CSMD3: variants seen among roughly 807,000 people sequenced by gnomAD.
CSMD3 encodes CUB and Sushi multiple domains 3.
CSMD3 carries 177 observed loss-of-function variants against 435.2 expected under a neutral mutation model. The ratio of observed to expected loss-of-function variants is 0.41; its 90% CI spans 0.36 to 0.46. CSMD3 has a LOEUF of 0.46. Among genes scored for constraint, CSMD3 ranks in the 20% least tolerant of loss-of-function variants. The pLI, the probability that CSMD3 is intolerant of heterozygous loss-of-function variation, is 0.34. For synonymous variants in CSMD3, 1,656 were observed against 1,520.5 expected, an observed-to-expected ratio of 1.09 and a Z score of -2.07; for missense variants, 4,265 against 4,504.6, an observed-to-expected ratio of 0.95 and a Z score of 1.52.
At chr8:112,828,103 T>G (rs549824549) in intron 12 of CSMD3, among the ~76,000 whole-genome samples, 17 of 152,280 alleles carry the variant, frequency 1.1e-4, no homozygotes, top group African/African-American at 3.4e-4. Flanking sequence ...TATAATGAAA[T>G]CTAAGCTATC....
chr8:113,320,319 A>G (rs1444034129), intron 1 of CSMD3, among the ~76,000 whole-genome samples: 1 of 152,104 alleles, frequency 6.6e-6, no homozygotes, highest in East Asian at 1.9e-4. Context: ...AAAGGTAACT[A>G]AATTTTATAT....
At chr8:113,285,141 G>C (rs1217690814) in intron 2 of CSMD3, among the ~76,000 whole-genome samples, 2 of 152,006 alleles carry the variant, frequency 1.3e-5, no homozygotes, top group Non-Finnish European at 1.5e-5. Flanking sequence ...TGAATGAATA[G>C]AACATATTTC....
chr8:112,637,583 T>C (rs1490248813), intron 21 of CSMD3, among the ~76,000 whole-genome samples: 1 of 152,036 alleles, frequency 6.6e-6, no homozygotes, highest in African/African-American at 2.4e-5. Flanking sequence ...CCCCAGGCAA[T>C]AAATGAACAT....
intron 6 of CSMD3, among the ~76,000 whole-genome samples, chr8:113,012,066 C>A (rs1007051223): frequency 1.3e-5 from 2 of 151,456 alleles, no homozygotes; most frequent in Non-Finnish European, 3.0e-5. Context: ...AAATCAAATA[C>A]AAAGAAAAAA....
At chr8:113,401,557 A>G (rs943901408) in intron 1 of CSMD3, among the ~76,000 whole-genome samples, 2 of 151,674 alleles carry the variant, frequency 1.3e-5, no homozygotes, top group Non-Finnish European at 3.0e-5. Flanking sequence ...TGCCAATGCC[A>G]ACTTTTTTAT....
intron 27 of CSMD3, among the ~76,000 whole-genome samples, chr8:112,520,746 A>G (rs976440764): frequency 1.8e-4 from 13 of 73,028 alleles, no homozygotes; most frequent in African/African-American, 7.1e-4. Flanking sequence ...TGCCAAATAT[A>G]TGTCAAATAA....
chr8:112,735,360 A>G (rs2077164263), intron 13 of CSMD3, among the ~76,000 whole-genome samples: 1 of 152,028 alleles, frequency 6.6e-6, no homozygotes. Flanking sequence ...GTAAATAAAC[A>G]ACTTGAGTGT....
chr8:112,234,516 T>C (rs764127560), intron 67 of CSMD3, 39 bp from the exon 68 acceptor site: 2 of 1,021,394 alleles, frequency 2.0e-6, no homozygotes, highest in Admixed American at 1.7e-5. Flanking sequence ...CTTAACTTTG[T>C]AAATAGTTAT....
chr8:113,409,079 C>CTTTT (rs1218107775), intron 1 of CSMD3, among the ~76,000 whole-genome samples: 862 of 99,114 alleles, frequency 8.7e-3, no homozygotes, highest in East Asian at 0.016. Context: ...TCTTCTTCTT[C>CTTTT]TTTTTTTTTT....
At chr8:112,713,347 A>G (rs149688145) in intron 13 of CSMD3, among the ~76,000 whole-genome samples, 3 of 146,774 alleles carry the variant, frequency 2.0e-5, no homozygotes, top group Admixed American at 1.4e-4. Flanking sequence ...AGGCAGGCAG[A>G]CAAGATTAGA....
chr8:112,447,875 CA>C (rs1648756617), intron 32 of CSMD3, among the ~76,000 whole-genome samples: 1 of 152,088 alleles, frequency 6.6e-6, no homozygotes, highest in Non-Finnish European at 1.5e-5. Context: ...AAGATTTAAA[CA>C]ATAATATAAT....
intron 24 of CSMD3, among the ~76,000 whole-genome samples, chr8:112,569,574 T>G (rs1436956273): frequency 6.6e-6 from 1 of 152,136 alleles, no homozygotes; most frequent in East Asian, 1.9e-4. Context: ...TGCAGTTTTA[T>G]CTACCCAAAA....
chr8:112,482,824 T>C (rs142071882), intron 31 of CSMD3, among the ~76,000 whole-genome samples: 16 of 152,332 alleles, frequency 1.1e-4, no homozygotes, highest in African/African-American at 3.6e-4. Context: ...TTGGGAATGT[T>C]TTCTCTAATT....
Position 113,392,680 on chromosome 8 carries a change from A to T in CSMD3, c.178+43997T>A, listed in dbSNP as rs1588652104. 2.6e-5 allele frequency among the ~76,000 whole-genome samples: 4 copies of T among 152,076 alleles called. No individual in the cohort carries two copies. In the South Asian group the frequency reaches 8.3e-4, roughly 32 times the overall value. On this transcript the variant is annotated intron_variant, in intron 1 of 70. Coordinates refer to ENST00000297405, the MANE Select transcript of CSMD3 (RefSeq NM_198123.2). ...CTATTAGAGAATGAGTACAAAACAC[A>T]TTAATTCAATCTTATCACTGTAATG...
At chr8:112,669,327 G>A (rs563645067) in intron 16 of CSMD3, among the ~76,000 whole-genome samples, 6 of 151,878 alleles carry the variant, frequency 4.0e-5, no homozygotes, top group East Asian at 1.9e-4. Context: ...CACTGTGCAC[G>A]GCCTAAAAAT....
At chr8:112,943,383 A>G (rs2083510779) in intron 9 of CSMD3, among the ~76,000 whole-genome samples, 1 of 151,484 alleles carries the variant, frequency 6.6e-6, no homozygotes, top group Non-Finnish European at 1.5e-5. Context: ...GTTTTATGAA[A>G]TAACTGAACT....
intron 1 of CSMD3, among the ~76,000 whole-genome samples, chr8:113,397,865 T>TAAATAAAG (rs1019972589): frequency 6.5e-4 from 87 of 134,112 alleles, no homozygotes; most frequent in African/African-American, 2.4e-3. Context: ...AATAAATAAA[T>TAAATAAAG]AAAGAACACA....
rs1822294055 is a variant in CSMD3 at position 112,314,633 on chromosome 8, G to C, written c.7361-16C>G. 6.3e-7 allele frequency: 1 copy of C among 1,591,000 alleles called. No individual in the cohort carries two copies. Among genetic ancestry groups the C allele is most frequent in the Non-Finnish European group, 8.6e-7 (1 of 1,159,494 alleles). On this transcript the variant is annotated splice_polypyrimidine_tract_variant and intron_variant, in intron 47 of 70. Transcript: ENST00000297405. The stretch of plus-strand genomic sequence containing the variant: ...GGACAGAGCACTGTCAAAGAAAAAT[G>C]TCATTAAATAATGCCAGTCTTTTAG...
chr8:113,230,833 T>C (rs189098338), intron 3 of CSMD3, among the ~76,000 whole-genome samples: 2 of 151,654 alleles, frequency 1.3e-5, no homozygotes, highest in African/African-American at 4.8e-5. Context: ...CAGAATAAAA[T>C]TTCTCATGTA....
Sources: allele counts gnomAD v4.1 joint callset (sites outside exome capture counted in the v4.1 genomes callset), GRCh38; gene constraint gnomAD v4.1.1; transcripts MANE v1.5; gene names NCBI Gene and HGNC (gene_info 2026-07-23, HGNC 2026-07-21).